DCDC1: variants seen among roughly 807,000 people sequenced by gnomAD.
The protein encoded by DCDC1 is doublecortin domain-containing protein 1.
A neutral mutation model predicts 178.3 loss-of-function variants in DCDC1; 200 were observed. The observed-to-expected ratio is 1.12, with a 90% CI of 1.00 to 1.26. The LOEUF (loss-of-function observed/expected upper bound fraction) is 1.26. DCDC1 is among the 50% of genes most tolerant of loss of function. The pLI is 0.00. For synonymous variants in DCDC1, 690 were observed against 604.8 expected, an observed-to-expected ratio of 1.14 and a Z score of -2.07; for missense variants, 1,983 against 1,749.2, an observed-to-expected ratio of 1.13 and a Z score of -2.38.
intron 9 of DCDC1, among the ~76,000 whole-genome samples, chr11:31,214,126 A>T (rs1451736411): frequency 1.3e-5 from 2 of 151,362 alleles, no homozygotes; most frequent in South Asian, 2.1e-4. Flanking sequence ...AGTTTTTTTT[A>T]TCAAAATAAG....
At chr11:31,303,875 A>G (rs185991466) in intron 6 of DCDC1, among the ~76,000 whole-genome samples, 58 of 152,236 alleles carry the variant, frequency 3.8e-4, no homozygotes, top group African/African-American at 1.3e-3. Context: ...CGAGCAGCAT[A>G]AAGATTGATT....
chr11:31,196,447 A>G (rs1970705330), intron 9 of DCDC1, among the ~76,000 whole-genome samples: 1 of 151,994 alleles, frequency 6.6e-6, no homozygotes, highest in African/African-American at 2.4e-5. Context: ...GTGGTTCCCC[A>G]GGTTACCCAC....
intron 36 of DCDC1, chr11:30,883,296 T>C (rs61394929): frequency 0.011 from 2,257 of 197,738 alleles, 57 homozygotes; most frequent in African/African-American, 0.051. Flanking sequence ...GCAGACTAGG[T>C]GGAGAAGATC....
chr11:31,203,890 G>C (rs545248246), intron 9 of DCDC1, among the ~76,000 whole-genome samples: 2 of 152,068 alleles, frequency 1.3e-5, no homozygotes, highest in African/African-American at 4.8e-5. Flanking sequence ...TAAAATGTAT[G>C]TCAGAAAACT....
At position 31,307,806 on chromosome 11, in the gene DCDC1, T is replaced by C. The variant is rs767390780; in HGVS notation, c.267A>G (p.Ser89=). 1 of 1,614,148 alleles carries C rather than the reference T, an allele frequency of 6.2e-7. No homozygotes were observed. Among genetic ancestry groups the C allele is most frequent in the East Asian group, 2.2e-5 (1 of 44,880 alleles). ...AGCAATCTTGAAGTCCTGACCCTTC[T>C]GATACTGCTGCTGAATGCACGAGTC... is the stretch of plus-strand genomic sequence containing the variant. ...PNRLVHSAAV[S]EGSGLQDCST... Residue 89 remains serine, a synonymous_variant, in exon 4 of 39, where the codon TCA becomes TCG. Transcript: ENST00000684477.
At chr11:31,156,049 G>T (rs1221817463) in intron 9 of DCDC1, 1 of 152,124 alleles carries the variant, frequency 6.6e-6, no homozygotes, top group African/African-American at 2.4e-5. Context: ...TGGGTCAGCA[G>T]TTGGCAAACT....
chr11:30,871,545 C>T (rs1335589291), intron 38 of DCDC1, among the ~76,000 whole-genome samples: 4 of 152,126 alleles, frequency 2.6e-5, no homozygotes, highest in Non-Finnish European at 5.9e-5. Context: ...ACTGGCTTCC[C>T]ACTGCACTAT....
chr11:31,103,845 A>C, intron 13 of DCDC1, 76 bp from the exon 14 acceptor site: 1 of 716,620 alleles, frequency 1.4e-6, no homozygotes, highest in Non-Finnish European at 2.5e-6. Flanking sequence ...ATAAACAATA[A>C]AATACACATT....
At chr11:31,285,414 T>A (rs998445729) in intron 7 of DCDC1, among the ~76,000 whole-genome samples, 5 of 152,154 alleles carry the variant, frequency 3.3e-5, no homozygotes, top group Admixed American at 2.6e-4. Context: ...ATGTTGAGCA[T>A]CCTTAATCAA....
At chr11:31,289,313 T>C (rs1947054379) in intron 7 of DCDC1, among the ~76,000 whole-genome samples, 1 of 152,036 alleles carries the variant, frequency 6.6e-6, no homozygotes, top group Non-Finnish European at 1.5e-5. Context: ...AGAGATACGT[T>C]CATCTTCTCT....
At chr11:31,120,465 C>T (rs1333843163) in intron 11 of DCDC1, among the ~76,000 whole-genome samples, 1 of 152,070 alleles carries the variant, frequency 6.6e-6, no homozygotes, top group African/African-American at 2.4e-5. Flanking sequence ...GAAGAAAGAG[C>T]CTGAATTGCC....
At chr11:30,885,508 A>G (rs983126450) in intron 36 of DCDC1, among the ~76,000 whole-genome samples, 2 of 152,068 alleles carry the variant, frequency 1.3e-5, no homozygotes, top group African/African-American at 4.8e-5. Flanking sequence ...TGAAAAATAT[A>G]TATAATAGAA....
At chr11:30,924,142 T>C (rs567143411) in intron 23 of DCDC1, among the ~76,000 whole-genome samples, 1 of 152,234 alleles carries the variant, frequency 6.6e-6, no homozygotes, top group Non-Finnish European at 1.5e-5. Context: ...ACTTTTTGTA[T>C]TGTATGATTT....
At chr11:30,946,549 G>A (rs936682991) in intron 21 of DCDC1, among the ~76,000 whole-genome samples, 1 of 151,982 alleles carries the variant, frequency 6.6e-6, no homozygotes. Flanking sequence ...CATCTTTAGG[G>A]GCCAAAACAA....
chr11:31,096,107 T>C (rs919010757), intron 15 of DCDC1, among the ~76,000 whole-genome samples: 3 of 152,192 alleles, frequency 2.0e-5, no homozygotes, highest in African/African-American at 4.8e-5. Flanking sequence ...ATAAAACTAA[T>C]ATATGTGGTA....
intron 9 of DCDC1, among the ~76,000 whole-genome samples, chr11:31,204,925 G>C: frequency 6.6e-6 from 1 of 152,194 alleles, no homozygotes; most frequent in Non-Finnish European, 1.5e-5. Flanking sequence ...CTTTGTTGCA[G>C]ACCCTTCAAA....
At position 31,249,714 on chromosome 11, in the gene DCDC1, C is replaced by A. The variant is rs181132996; in HGVS notation, c.1055-8098G>T. ...GATTAATTATTGCCAGCACTTAGCA[C>A]CCTTCTTCAGCAAGAGACCTAAATT... On this transcript the variant is annotated intron_variant, in intron 8 of 38. Transcript: ENST00000684477. Among the ~76,000 whole-genome samples the A allele has an allele frequency of 6.2e-4, 95 of 152,202 alleles. 1 individual carries two copies. Among genetic ancestry groups the A allele is most frequent in the African/African-American group, 2.2e-3 (91 of 41,538 alleles).
At chr11:31,139,443 G>A (rs1591184233) in intron 9 of DCDC1, among the ~76,000 whole-genome samples, 1 of 152,168 alleles carries the variant, frequency 6.6e-6, no homozygotes, top group African/African-American at 2.4e-5. Context: ...ACAACATATT[G>A]GTCTCAAGCA....
At chr11:31,099,105 G>A (rs1032065070) in intron 15 of DCDC1, among the ~76,000 whole-genome samples, 7 of 152,164 alleles carry the variant, frequency 4.6e-5, no homozygotes, top group Admixed American at 3.3e-4. Flanking sequence ...AAAGCAAAGA[G>A]AAAAGCCTCC....
Sources: allele counts gnomAD v4.1 joint callset (sites outside exome capture counted in the v4.1 genomes callset), GRCh38; gene constraint gnomAD v4.1.1; transcripts MANE v1.5; gene names NCBI Gene and HGNC (gene_info 2026-07-23, HGNC 2026-07-21).